The following NELL1 variants were observed in gnomAD, a reference collection of about 807,000 sequenced individuals.
NELL1 encodes neural EGFL like 1.
Under a neutral mutation model 107.4 loss-of-function variants are expected in NELL1, and 76 were observed. The ratio of observed to expected loss-of-function variants is 0.71; its 90% CI spans 0.59 to 0.86. The LOEUF (loss-of-function observed/expected upper bound fraction) is 0.86, where lower values mean the gene tolerates loss of function less well. NELL1 is among the 40% of genes least tolerant of loss of function. The probability of loss-of-function intolerance (pLI) is 0.00; values close to 1 mark genes in which losing one functional copy is unlikely to be tolerated. For missense variants in NELL1, 1,024 were observed against 1,005.5 expected, an observed-to-expected ratio of 1.02 and a Z score of -0.25; for synonymous variants, 353 against 341.2, an observed-to-expected ratio of 1.03 and a Z score of -0.38.
chr11:21,399,406 G>A (rs1007557762), intron 15 of NELL1, among the ~76,000 whole-genome samples: 10 of 151,688 alleles, frequency 6.6e-5, no homozygotes, highest in Admixed American at 3.9e-4. Context: ...ACCAGACACA[G>A]GAACACCTTT....
intron 15 of NELL1, among the ~76,000 whole-genome samples, chr11:21,402,093 C>G (rs1329308963): frequency 6.6e-6 from 1 of 151,780 alleles, no homozygotes; most frequent in Non-Finnish European, 1.5e-5. Flanking sequence ...CAGATGCACA[C>G]TTAGGTAATT....
intron 12 of NELL1, among the ~76,000 whole-genome samples, chr11:21,021,844 C>A (rs755148163): frequency 6.6e-6 from 1 of 152,080 alleles, no homozygotes; most frequent in Admixed American, 6.6e-5. Flanking sequence ...ATTGAACTTG[C>A]GTCCTTGGCA....
intron 13 of NELL1, among the ~76,000 whole-genome samples, chr11:21,187,702 C>G (rs563675944): frequency 1.3e-5 from 2 of 151,766 alleles, no homozygotes; most frequent in Non-Finnish European, 2.9e-5. Flanking sequence ...CTGTGTCTGC[C>G]CTTACAGGGT....
At position 21,186,150 on chromosome 11, in the gene NELL1, T is replaced by C. The variant is rs187367308; in HGVS notation, c.1427-43182T>C. On this transcript the variant is annotated intron_variant, in intron 13 of 19. Transcript: ENST00000357134. ...TCTGATTCACTGAGCTTAGGTCACATGATGGCTGATCTTAGGTCATGTGAC... is the reference window on the plus strand; with the variant it reads ...TCTGATTCACTGAGCTTAGGTCACACGATGGCTGATCTTAGGTCATGTGAC... Among the ~76,000 whole-genome samples the C allele has an allele frequency of 7.5e-4, 114 of 152,016 alleles. 4 individuals carry two copies. Among genetic ancestry groups the C allele is most frequent in the African/African-American group, 2.3e-3 (93 of 41,276 alleles).
intron 13 of NELL1, among the ~76,000 whole-genome samples, chr11:21,194,265 C>T (rs1857104962): frequency 6.7e-6 from 1 of 149,302 alleles, no homozygotes; most frequent in African/African-American, 2.6e-5. Flanking sequence ...GGTTCTAACA[C>T]AGCCCTAAAG....
chr11:21,492,418 A>G (rs1184662214), intron 15 of NELL1, among the ~76,000 whole-genome samples: 1 of 152,086 alleles, frequency 6.6e-6, no homozygotes, highest in Non-Finnish European at 1.5e-5. Context: ...AGGACTATAA[A>G]TCATGCTGCT....
intron 15 of NELL1, among the ~76,000 whole-genome samples, chr11:21,505,384 T>C (rs1855254030): frequency 6.6e-6 from 1 of 152,030 alleles, no homozygotes. Flanking sequence ...AATTATGCCT[T>C]ACTGCTTCTG....
intron 13 of NELL1, among the ~76,000 whole-genome samples, chr11:21,114,139 G>T (rs1201796600): frequency 1.3e-5 from 2 of 152,002 alleles, no homozygotes; most frequent in Non-Finnish European, 2.9e-5. Flanking sequence ...GTACTTGGTG[G>T]TCAAAGTTTA....
intron 5 of NELL1, among the ~76,000 whole-genome samples, chr11:20,913,463 T>C (rs7119816): frequency 0.044 from 6,713 of 152,146 alleles, 452 homozygotes; most frequent in African/African-American, 0.14. Flanking sequence ...AGGGACCTAA[T>C]TGGATAATTT....
chr11:21,476,473 C>CT (rs1854335643), intron 15 of NELL1, among the ~76,000 whole-genome samples: 1 of 152,180 alleles, frequency 6.6e-6, no homozygotes, highest in South Asian at 2.1e-4. Context: ...AGATAATTAT[C>CT]TTTTTATGAT....
intron 3 of NELL1, among the ~76,000 whole-genome samples, chr11:20,843,736 A>C (rs1848658815): frequency 6.6e-6 from 1 of 150,692 alleles, no homozygotes. Context: ...AAAATGATAA[A>C]AATTTTAATA....
At position 21,574,955 on chromosome 11, in the gene NELL1, G is replaced by A. The variant is rs768142216; in HGVS notation, c.2383-17G>A. 4.0e-5 allele frequency: 64 copies of A among 1,608,338 alleles called. No homozygotes were observed. Among genetic ancestry groups the A allele is most frequent in the Non-Finnish European group, 5.1e-5 (60 of 1,175,924 alleles). The stretch of plus-strand genomic sequence containing the variant: ...TCCATGTCTCAACTGGCTAACACAT[G>A]TTTCTTTGATGTACAGAATGGAAGA... On this transcript the variant is annotated splice_polypyrimidine_tract_variant and intron_variant, in intron 19 of 19. Transcript: ENST00000357134.
chr11:20,720,728 T>C (rs1254271022), intron 2 of NELL1, among the ~76,000 whole-genome samples: 1 of 152,152 alleles, frequency 6.6e-6, no homozygotes, highest in Non-Finnish European at 1.5e-5. Flanking sequence ...TCTATGTCTC[T>C]TCAAATCATT....
intron 2 of NELL1, among the ~76,000 whole-genome samples, chr11:20,703,396 T>G (rs1161966891): frequency 6.6e-6 from 1 of 152,192 alleles, no homozygotes; most frequent in Non-Finnish European, 1.5e-5. Context: ...TCTCTTTTCT[T>G]CTTTATTAAT....
chr11:20,715,085 TAA>T (rs912216262), intron 2 of NELL1, among the ~76,000 whole-genome samples: 1 of 148,850 alleles, frequency 6.7e-6, no homozygotes, highest in Non-Finnish European at 1.5e-5. Context: ...CTACTAAAAA[TAA>T]AAAAAAAATT....
At chr11:20,800,580 T>C (rs529764747) in intron 3 of NELL1, among the ~76,000 whole-genome samples, 2 of 152,372 alleles carry the variant, frequency 1.3e-5, no homozygotes, top group South Asian at 4.1e-4. Context: ...AAGTTCCTTG[T>C]AGATTCTGGA....
chr11:21,434,446 G>A (rs1260800720), intron 15 of NELL1, among the ~76,000 whole-genome samples: 1 of 151,996 alleles, frequency 6.6e-6, no homozygotes, highest in Non-Finnish European at 1.5e-5. Context: ...ATTGAACAGG[G>A]TGCCCTTTAC....
At chr11:21,271,535 T>G (rs1453721152) in intron 14 of NELL1, among the ~76,000 whole-genome samples, 1 of 152,180 alleles carries the variant, frequency 6.6e-6, no homozygotes, top group Admixed American at 6.5e-5. Context: ...ACTGGTGAAT[T>G]CTACCAAACA....
chr11:20,909,114 AT>A (rs1265794866), intron 5 of NELL1, among the ~76,000 whole-genome samples: 1 of 152,230 alleles, frequency 6.6e-6, no homozygotes, highest in Non-Finnish European at 1.5e-5. Flanking sequence ...TATATGAAAT[AT>A]CAAAAATAGG....
Sources: gnomAD v4.1 joint callset for allele counts (sites outside exome capture counted in the v4.1 genomes callset) on GRCh38, gnomAD v4.1.1 for gene constraint, MANE v1.5 for transcripts, NCBI Gene and HGNC (gene_info 2026-07-23, HGNC 2026-07-21) for gene names.